Variants in GPBP1 observed in about 807,000 individuals in gnomAD.
GPBP1 encodes the protein vasculin.
In GPBP1, 13 loss-of-function variants were observed where a neutral mutation model predicts 56.5. That is an observed-to-expected ratio of 0.23 (90% CI 0.15 to 0.37). GPBP1 has a LOEUF of 0.37. Among genes scored for constraint, GPBP1 ranks in the 10% least tolerant of loss-of-function variants. The pLI, the probability that GPBP1 is intolerant of heterozygous loss-of-function variation, is 1.00. For missense variants in GPBP1, 477 were observed against 572.3 expected (o/e 0.83, Z 1.70); for synonymous variants, 204 against 188.9 (o/e 1.08, Z -0.66).
intron 2 of GPBP1, among the ~76,000 whole-genome samples, chr5:57,204,217 A>G (rs1755135825): frequency 6.6e-6 from 1 of 152,174 alleles, no homozygotes; most frequent in Non-Finnish European, 1.5e-5. Flanking sequence ...TAACTCAAAA[A>G]TAGAATAAAC....
At chr5:57,190,160 T>C (rs567222394) in intron 2 of GPBP1, among the ~76,000 whole-genome samples, 6 of 133,958 alleles carry the variant, frequency 4.5e-5, no homozygotes, top group Non-Finnish European at 8.7e-5. Context: ...AATTTAGCCT[T>C]ACTTTTTTTT....
intron 2 of GPBP1, among the ~76,000 whole-genome samples, chr5:57,183,777 T>TG (rs1245281989): frequency 6.6e-6 from 1 of 150,378 alleles, no homozygotes; most frequent in Non-Finnish European, 1.5e-5. Context: ...TTTTTTTTTT[T>TG]TTTTTTGTTT....
intron 2 of GPBP1, among the ~76,000 whole-genome samples, chr5:57,176,934 AGTTGTTCCTAACATATTAATCC>A (rs1753810850): frequency 6.6e-6 from 1 of 152,174 alleles, no homozygotes; most frequent in South Asian, 2.1e-4. Flanking sequence ...TTTAAGGCAT[AGTTGTTCCTAACATATTAATCC>A]GTTATAGAAA....
Position 57,176,202 on chromosome 5 carries a change from C to G in GPBP1, c.-256C>G, listed in dbSNP as rs1305153457. On this transcript the variant is annotated 5_prime_UTR_variant, in exon 2 of 12. Transcript: ENST00000506184. Reference sequence around the variant, plus strand: ...TTAAATCTAAAGAACTTGGCTAATTCGGGAGATAGCCATATGAAAACTTTA... The same window carrying G: ...TTAAATCTAAAGAACTTGGCTAATTGGGGAGATAGCCATATGAAAACTTTA... The G allele has an allele frequency of 2.6e-6, 1 of 391,948 alleles. No homozygotes were observed. The highest frequency in any genetic ancestry group is 4.4e-5 in the Admixed American group (1 of 22,590). The allele number at this position is 391,948 out of a possible 1,614,324, so 24.3% of individuals were successfully genotyped here. A position where few individuals can be genotyped will look rare whatever the true frequency, so the allele number is the denominator to read the frequency against.
intron 3 of GPBP1, 146 bp from the exon 4 acceptor site, chr5:57,230,700 C>T (rs772933914): frequency 2.0e-5 from 14 of 708,140 alleles, no homozygotes; most frequent in South Asian, 1.2e-4. Context: ...ATACAGTTAC[C>T]CAGTTATCAA....
chr5:57,219,441 A>G (rs1755856085), intron 3 of GPBP1, among the ~76,000 whole-genome samples: 1 of 144,660 alleles, frequency 6.9e-6, no homozygotes, highest in African/African-American at 2.5e-5. Context: ...CAACAAAACC[A>G]CACACACAAA....
chr5:57,259,291 A>G (rs1741791107), intron 10 of GPBP1, among the ~76,000 whole-genome samples: 1 of 152,216 alleles, frequency 6.6e-6, no homozygotes, highest in Non-Finnish European at 1.5e-5. Flanking sequence ...AAATGTGGAT[A>G]TCATGTTATG....
chr5:57,255,545 AT>A (rs1741619820), intron 10 of GPBP1, among the ~76,000 whole-genome samples: 1 of 152,264 alleles, frequency 6.6e-6, no homozygotes, highest in Admixed American at 6.5e-5. Context: ...AGATATTCTA[AT>A]GATAGTAAAA....
At chr5:57,187,726 A>G (rs1266967637) in intron 2 of GPBP1, among the ~76,000 whole-genome samples, 1 of 152,094 alleles carries the variant, frequency 6.6e-6, no homozygotes, top group African/African-American at 2.4e-5. Flanking sequence ...AATGAATGCT[A>G]AATGCTTTGA....
At chr5:57,256,196 A>G (rs75971962) in intron 10 of GPBP1, among the ~76,000 whole-genome samples, 2,989 of 152,280 alleles carry the variant, frequency 0.02, 76 homozygotes, top group African/African-American at 0.067. Flanking sequence ...GTGAGGTGGC[A>G]GTGAGCTGAG....
At chr5:57,195,588 A>G (rs1754706319) in intron 2 of GPBP1, among the ~76,000 whole-genome samples, 1 of 152,200 alleles carries the variant, frequency 6.6e-6, no homozygotes. Context: ...ATGTAGATGA[A>G]AAAAGACTGG....
At chr5:57,221,590 G>T (rs1477167314) in intron 3 of GPBP1, among the ~76,000 whole-genome samples, 3 of 152,140 alleles carry the variant, frequency 2.0e-5, no homozygotes, top group Non-Finnish European at 4.4e-5. Flanking sequence ...GAAAGTTGGA[G>T]ATTTTTTTTC....
At chr5:57,188,089 C>T (rs1319186736) in intron 2 of GPBP1, among the ~76,000 whole-genome samples, 2 of 151,586 alleles carry the variant, frequency 1.3e-5, no homozygotes, top group Admixed American at 1.3e-4. Context: ...CCAAAAAATA[C>T]AAAAATTAAC....
intron 1 of GPBP1, among the ~76,000 whole-genome samples, chr5:57,174,862 C>T (rs974258225): frequency 6.6e-6 from 1 of 152,144 alleles, no homozygotes; most frequent in South Asian, 2.1e-4. Flanking sequence ...ACCTTCTAGC[C>T]CTTTGCTCCC....
intron 10 of GPBP1, among the ~76,000 whole-genome samples, chr5:57,260,583 C>G (rs1474442271): frequency 6.6e-6 from 1 of 152,128 alleles, no homozygotes; most frequent in African/African-American, 2.4e-5. Context: ...TATTTTGGTG[C>G]AGAATTTTTT....
chr5:57,218,525 C>T (rs1328696380), intron 3 of GPBP1, among the ~76,000 whole-genome samples: 1 of 152,154 alleles, frequency 6.6e-6, no homozygotes, highest in Non-Finnish European at 1.5e-5. Context: ...CCTCCCAGCA[C>T]TTTCATGTGT....
intron 5 of GPBP1, 45 bp downstream of exon 5, chr5:57,231,366 C>A: frequency 6.8e-7 from 1 of 1,476,142 alleles, no homozygotes; most frequent in Non-Finnish European, 9.3e-7. Flanking sequence ...TCTGTAAGTG[C>A]TATTTTAAGT....
At chr5:57,189,480 A>T (rs562589340) in intron 2 of GPBP1, among the ~76,000 whole-genome samples, 2 of 151,386 alleles carry the variant, frequency 1.3e-5, no homozygotes, top group African/African-American at 4.8e-5. Context: ...CAGGTCTCGA[A>T]CTCCTGGCCT....
At chr5:57,207,935 T>C (rs772318989) in intron 2 of GPBP1, among the ~76,000 whole-genome samples, 2 of 152,218 alleles carry the variant, frequency 1.3e-5, no homozygotes, top group Non-Finnish European at 2.9e-5. Flanking sequence ...GATATGTCCC[T>C]CTCGATGACG....
Sources: allele counts gnomAD v4.1 joint callset (sites outside exome capture counted in the v4.1 genomes callset), GRCh38; gene constraint gnomAD v4.1.1; transcripts MANE v1.5; gene names NCBI Gene and HGNC (gene_info 2026-07-23, HGNC 2026-07-21).